Variants in CCDC180 observed in about 807,000 individuals in gnomAD.
The protein encoded by CCDC180 is coiled-coil domain containing 180.
In CCDC180, 154 loss-of-function variants were observed where a neutral mutation model predicts 209.2. The ratio of observed to expected loss-of-function variants is 0.74; its 90% CI spans 0.65 to 0.84. The LOEUF is 0.84. Among genes scored for constraint, CCDC180 ranks in the 40% least tolerant of loss-of-function variants. The pLI, the probability that CCDC180 is intolerant of heterozygous loss-of-function variation, is 0.00. For missense variants in CCDC180, 1,874 were observed against 1,997.3 expected (o/e 0.94, Z 1.18); for synonymous variants, 778 against 749.1 (o/e 1.04, Z -0.63).
chr9:97,350,618 G>C, intron 22 of CCDC180, 63 bp downstream of exon 22: 1 of 1,481,034 alleles, frequency 6.8e-7, no homozygotes, highest in Non-Finnish European at 9.0e-7. Flanking sequence ...ATGTGGTCTT[G>C]TTTCCCCCTT....
chr9:97,307,443 A>G (rs1587772384), upstream of CCDC180: 3 of 582,078 alleles, frequency 5.2e-6, no homozygotes, highest in Non-Finnish European at 9.7e-6. Flanking sequence ...GCTCAGGGGG[A>G]CGGCCAGGGG....
rs79285530 is a variant in CCDC180, at chr9:97,374,957, A to G, written c.4706+309A>G. Among the ~76,000 whole-genome samples the G allele has an allele frequency of 7.9e-3, 1,201 of 152,322 alleles. 14 individuals are homozygous for G. The highest frequency in any genetic ancestry group is 0.027 in the African/African-American group (1,132 of 41,576). On this transcript the variant is annotated intron_variant, in intron 35 of 36. Coordinates refer to ENST00000529487, the MANE Select transcript of CCDC180 (RefSeq NM_020893.6). ...GGAGGCCTGGCTCAGTGGGGGACAC[A>G]TTCTTGGGTCACTGCTGGCATTGTG...
In CCDC180 at chr9:97,359,962, T is replaced by A. The variant is rs759953702; in HGVS notation, c.3364-20T>A. 10 of 1,612,644 alleles carry A rather than the reference T, an allele frequency of 6.2e-6. No homozygotes were observed. In the Admixed American group the frequency reaches 1.2e-4, roughly 19 times the overall value. ...TGCAGTCTGCTTCCTTGGGGCTTTCTTCCTCCCTTTTCTCACCAGACAGTG... is the reference window on the plus strand; with the variant it reads ...TGCAGTCTGCTTCCTTGGGGCTTTCATCCTCCCTTTTCTCACCAGACAGTG... On this transcript the variant is annotated intron_variant, in intron 25 of 36. Coordinates refer to ENST00000529487, the MANE Select transcript of CCDC180 (RefSeq NM_020893.6).
chr9:97,362,151 C>G, intron 27 of CCDC180, 45 bp from the exon 28 acceptor site: 5 of 1,582,732 alleles, frequency 3.2e-6, no homozygotes, highest in South Asian at 2.3e-5. Flanking sequence ...TGAGCTACCC[C>G]CATGGTCACC....
At chr9:97,357,478 G>A (rs1412037389) in intron 24 of CCDC180, 149 bp from the exon 25 acceptor site, 1 of 668,302 alleles carries the variant, frequency 1.5e-6, no homozygotes, top group Admixed American at 2.6e-5. Context: ...TTTTTAATTT[G>A]TATCAATGTC....
chr9:97,356,310 G>A (rs908929178), intron 24 of CCDC180, among the ~76,000 whole-genome samples: 1 of 152,196 alleles, frequency 6.6e-6, no homozygotes, highest in Non-Finnish European at 1.5e-5. Flanking sequence ...AGTGCAGTTC[G>A]ATAAAAGAAG....
rs1826899888 is a variant in CCDC180 at position 97,365,720 on chromosome 9, A to C, written c.4028A>C (p.Asn1343Thr). 4 of 1,614,008 alleles carry C rather than the reference A, an allele frequency of 2.5e-6. No individual in the cohort carries two copies. Among genetic ancestry groups the C allele is most frequent in the Middle Eastern group, 3.3e-4 (2 of 6,048 alleles). ...ILTLLWESSENLLTVAEEFYR... is the reference protein window; with the variant it reads ...ILTLLWESSETLLTVAEEFYR... ...ACCCTCCTCTGGGAGAGCAGTGAGA[A>C]CCTGCTGACAGTCGCAGAGGTGAGG... The change falls in exon 30 of 37, where the codon AAC becomes ACC. Residue 1343 changes from asparagine to threonine, a missense_variant. Transcript: ENST00000529487.
intron 18 of CCDC180, among the ~76,000 whole-genome samples, chr9:97,336,422 C>A (rs555188687): frequency 6.6e-6 from 1 of 152,320 alleles, no homozygotes; most frequent in African/African-American, 2.4e-5. Context: ...AACAGGAGAT[C>A]CTGTCCCCAT....
intron 20 of CCDC180, among the ~76,000 whole-genome samples, chr9:97,348,596 C>CG (rs1230720808): frequency 5.3e-5 from 8 of 151,876 alleles, no homozygotes; most frequent in African/African-American, 9.7e-5. Flanking sequence ...TGGTCGGGGT[C>CG]GGGGGGGTCT....
intron 18 of CCDC180, among the ~76,000 whole-genome samples, chr9:97,339,640 GGTT>G (rs938987363): frequency 6.6e-6 from 1 of 152,054 alleles, no homozygotes; most frequent in African/African-American, 2.4e-5. Context: ...TGTGTCTTGG[GGTT>G]GTTCTTCTCA....
At chr9:97,320,316 G>C (rs1587788510) in intron 11 of CCDC180, 111 bp downstream of exon 11, 2 of 1,022,992 alleles carry the variant, frequency 2.0e-6, no homozygotes, top group South Asian at 1.3e-5. Flanking sequence ...AGGAGGGATG[G>C]GGGTGTGGCA....
intron 15 of CCDC180, 34 bp from the exon 16 acceptor site, chr9:97,327,986 C>T (rs773024194): frequency 6.2e-7 from 1 of 1,600,268 alleles, no homozygotes; most frequent in Non-Finnish European, 8.5e-7. Flanking sequence ...TGGTTCCTAG[C>T]TGGGGTCTCC....
chr9:97,309,737 T>A, intron 3 of CCDC180, 133 bp downstream of exon 3: 1 of 655,080 alleles, frequency 1.5e-6, no homozygotes, highest in Non-Finnish European at 2.4e-6. Flanking sequence ...GCAGGGAGGC[T>A]AATACCTACC....
At chr9:97,336,732 G>C (rs1167295124) in intron 18 of CCDC180, among the ~76,000 whole-genome samples, 1 of 152,162 alleles carries the variant, frequency 6.6e-6, no homozygotes, top group Non-Finnish European at 1.5e-5. Context: ...GGATGGCATT[G>C]AATCTATAAA....
chr9:97,315,298 T>TG (rs1461704357), intron 8 of CCDC180, among the ~76,000 whole-genome samples: 1 of 152,164 alleles, frequency 6.6e-6, no homozygotes, highest in Non-Finnish European at 1.5e-5. Flanking sequence ...CGCTACACTA[T>TG]GGAGTCATCG....
At chr9:97,354,823 C>T in intron 23 of CCDC180, 69 bp from the exon 24 acceptor site, 1 of 1,561,346 alleles carries the variant, frequency 6.4e-7, no homozygotes, top group Non-Finnish European at 8.8e-7. Context: ...GGGCCTGTCC[C>T]CCTCCTCCTT....
intron 18 of CCDC180, among the ~76,000 whole-genome samples, chr9:97,336,811 C>T (rs1825918915): frequency 6.6e-6 from 1 of 152,098 alleles, no homozygotes; most frequent in Non-Finnish European, 1.5e-5. Context: ...AATGTTCTTC[C>T]ATTTGTTTGT....
At chr9:97,373,226 A>G (rs1030121374) in intron 34 of CCDC180, 4 of 152,230 alleles carry the variant, frequency 2.6e-5, no homozygotes, top group Non-Finnish European at 5.9e-5. Context: ...TAATGTGCAT[A>G]TTACTTTTAT....
chr9:97,364,862 A>G (rs1262848865), intron 29 of CCDC180, among the ~76,000 whole-genome samples: 4 of 152,234 alleles, frequency 2.6e-5, no homozygotes, highest in Non-Finnish European at 5.9e-5. Context: ...TTTAGGAGTA[A>G]TCATTCTTTC....
Sources: allele counts gnomAD v4.1 joint callset (sites outside exome capture counted in the v4.1 genomes callset), GRCh38; gene constraint gnomAD v4.1.1; transcripts MANE v1.5; gene names NCBI Gene and HGNC (gene_info 2026-07-23, HGNC 2026-07-21).